The following SMOC1 variants were observed in gnomAD, a reference collection of about 807,000 sequenced individuals.
SMOC1 encodes the protein SPARC-related modular calcium-binding protein 1.
A neutral mutation model predicts 56.3 loss-of-function variants in SMOC1; 22 were observed. The observed-to-expected ratio is 0.39, with a 90% CI of 0.28 to 0.56. SMOC1 has a LOEUF of 0.56. SMOC1 is among the 20% of genes least tolerant of loss of function. SMOC1 has a pLI of 0.61. For synonymous variants in SMOC1, 193 were observed against 215.0 expected (o/e 0.90, Z 0.89); for missense variants, 509 against 565.4 (o/e 0.90, Z 1.01).
intron 5 of SMOC1, among the ~76,000 whole-genome samples, chr14:69,991,122 C>A (rs562759766): frequency 2.0e-5 from 3 of 152,270 alleles, no homozygotes; most frequent in African/African-American, 7.2e-5. Flanking sequence ...CAGAGACTAT[C>A]TGAGAACTTG....
At chr14:69,928,389 T>C (rs1001357981) in intron 1 of SMOC1, among the ~76,000 whole-genome samples, 2 of 152,236 alleles carry the variant, frequency 1.3e-5, no homozygotes, top group African/African-American at 2.4e-5. Context: ...AAATGCAGTC[T>C]CCTCGTAGTC....
chr14:69,991,318 C>T (rs227421), intron 5 of SMOC1, among the ~76,000 whole-genome samples: 34,717 of 152,000 alleles, frequency 0.23, 5,391 homozygotes, highest in African/African-American at 0.44. Context: ...AAGATACCCT[C>T]TCCAAGCCTT....
At chr14:69,891,559 AC>A (rs1883962047) in intron 1 of SMOC1, among the ~76,000 whole-genome samples, 1 of 151,558 alleles carries the variant, frequency 6.6e-6, no homozygotes, top group South Asian at 2.1e-4. Flanking sequence ...TTCCCTCCCT[AC>A]CCCCTGAACT....
chr14:69,896,814 C>T (rs78267141), intron 1 of SMOC1, among the ~76,000 whole-genome samples: 2,053 of 152,288 alleles, frequency 0.013, 35 homozygotes, highest in African/African-American at 0.047. Flanking sequence ...GGCAACTGGA[C>T]GCTCTGTCTT....
intron 1 of SMOC1, among the ~76,000 whole-genome samples, chr14:69,932,406 A>G (rs528986982): frequency 1.3e-5 from 2 of 152,244 alleles, no homozygotes; most frequent in East Asian, 1.9e-4. Flanking sequence ...TCAGCCCCAC[A>G]TGCCTCCTCC....
chr14:70,015,771 CAAG>C (rs1438929193), intron 10 of SMOC1, among the ~76,000 whole-genome samples: 5 of 151,984 alleles, frequency 3.3e-5, no homozygotes, highest in Non-Finnish European at 7.4e-5. Flanking sequence ...TCCAGATCTC[CAAG>C]AAGAGGGGAG....
chr14:70,015,080 C>G (rs1885460589), intron 10 of SMOC1, among the ~76,000 whole-genome samples: 1 of 152,130 alleles, frequency 6.6e-6, no homozygotes, highest in Non-Finnish European at 1.5e-5. Context: ...CAATGGATGA[C>G]TAGATAAAGA....
intron 1 of SMOC1, among the ~76,000 whole-genome samples, chr14:69,914,941 G>T (rs150199725): frequency 0.036 from 5,468 of 151,642 alleles, 130 homozygotes; most frequent in Admixed American, 0.066. Flanking sequence ...ATCTTGGCTC[G>T]CTGCAACCTC....
intron 5 of SMOC1, among the ~76,000 whole-genome samples, chr14:69,979,967 A>G (rs1188195073): frequency 6.6e-6 from 1 of 152,220 alleles, no homozygotes; most frequent in East Asian, 1.9e-4. Context: ...AAACTGGACA[A>G]GAAGTGCTTT....
At chr14:69,960,427 G>A (rs1477492155) in intron 3 of SMOC1, among the ~76,000 whole-genome samples, 1 of 152,062 alleles carries the variant, frequency 6.6e-6, no homozygotes, top group Non-Finnish European at 1.5e-5. Flanking sequence ...AGTGGATGGT[G>A]CCCTGCTTTA....
intron 1 of SMOC1, among the ~76,000 whole-genome samples, chr14:69,933,785 T>C (rs1258312404): frequency 2.0e-5 from 3 of 152,218 alleles, no homozygotes; most frequent in Admixed American, 6.5e-5. Flanking sequence ...CCCATAGTGC[T>C]GGAATTACAG....
intron 3 of SMOC1, among the ~76,000 whole-genome samples, chr14:69,956,131 CGA>C (rs755929796): frequency 6.6e-6 from 1 of 152,192 alleles, no homozygotes; most frequent in Non-Finnish European, 1.5e-5. Flanking sequence ...AATTGCTAAA[CGA>C]GAGAGTCCCT....
In SMOC1 at chr14:70,007,294, A is replaced by G. The variant is rs766110887; in HGVS notation, c.665-3460A>G. Among the ~76,000 whole-genome samples, 3 of 152,358 alleles carry G rather than the reference A, an allele frequency of 2.0e-5. No homozygotes were observed. In the South Asian group the frequency reaches 6.2e-4, roughly 32 times the overall value. On this transcript the variant is annotated intron_variant, in intron 7 of 11. Coordinates refer to ENST00000361956, the MANE Select transcript of SMOC1 (RefSeq NM_001034852.3). The stretch of plus-strand genomic sequence containing the variant: ...GAGTTTGAAGTGAGTTAATACACAT[A>G]GTGCACCTAATTCCAAGTCTGGCCC...
At chr14:69,990,760 A>G (rs930382305) in intron 5 of SMOC1, among the ~76,000 whole-genome samples, 5 of 152,242 alleles carry the variant, frequency 3.3e-5, no homozygotes, top group African/African-American at 9.6e-5. Context: ...TATATCCAGC[A>G]TAGATACTCT....
At chr14:69,973,392 G>A (rs575237904) in intron 3 of SMOC1, among the ~76,000 whole-genome samples, 57 of 152,354 alleles carry the variant, frequency 3.7e-4, no homozygotes, top group African/African-American at 1.3e-3. Context: ...AGAGCTGAGC[G>A]ATGTATCTAG....
intron 3 of SMOC1, among the ~76,000 whole-genome samples, chr14:69,975,034 C>T (rs1475838551): frequency 6.6e-6 from 1 of 152,090 alleles, no homozygotes; most frequent in Non-Finnish European, 1.5e-5. Flanking sequence ...CTTGTACTTG[C>T]CAAATTAGTT....
intron 10 of SMOC1, among the ~76,000 whole-genome samples, chr14:70,021,579 A>G (rs1445414285): frequency 1.3e-5 from 2 of 152,220 alleles, no homozygotes; most frequent in Non-Finnish European, 2.9e-5. Context: ...TAAACCTGTC[A>G]CGATGAGGTC....
chr14:70,027,029 C>T (rs543555112), intron 11 of SMOC1, among the ~76,000 whole-genome samples: 56 of 152,144 alleles, frequency 3.7e-4, no homozygotes, highest in African/African-American at 1.2e-3. Flanking sequence ...GAAGTGGAGG[C>T]TGAGTAGACT....
intron 5 of SMOC1, among the ~76,000 whole-genome samples, chr14:69,980,737 T>A (rs1216135826): frequency 6.6e-6 from 1 of 152,168 alleles, no homozygotes; most frequent in Non-Finnish European, 1.5e-5. Context: ...CGCACATGGC[T>A]TCTCATAGGA....
Sources: gnomAD v4.1 joint callset for allele counts (sites outside exome capture counted in the v4.1 genomes callset) on GRCh38, gnomAD v4.1.1 for gene constraint, MANE v1.5 for transcripts, NCBI Gene and HGNC (gene_info 2026-07-23, HGNC 2026-07-21) for gene names.